The following WRN variants were observed in gnomAD, a reference collection of about 807,000 sequenced individuals.
WRN encodes the protein WRN RecQ like helicase, also known as bifunctional 3'-5' exonuclease/ATP-dependent helicase WRN.
WRN carries 149 observed loss-of-function variants against 180.7 expected under a neutral mutation model. That is an observed-to-expected ratio of 0.82 (90% CI 0.72 to 0.94). The LOEUF is 0.94. Among genes scored for constraint, WRN ranks in the 40% least tolerant of loss-of-function variants. The probability of loss-of-function intolerance (pLI) is 0.00; values close to 1 mark genes in which losing one functional copy is unlikely to be tolerated. For missense variants in WRN, 1,661 were observed against 1,700.1 expected, an observed-to-expected ratio of 0.98 and a Z score of 0.40; for synonymous variants, 548 against 568.9, an observed-to-expected ratio of 0.96 and a Z score of 0.52.
At chr8:31,171,544 C>T (rs1297125621) in intron 34 of WRN, 1 of 152,152 alleles carries the variant, frequency 6.6e-6, no homozygotes. Context: ...TAAGTCTCAT[C>T]CGTTCTTTTG....
chr8:31,057,148 T>A (rs1812304122), intron 1 of WRN, among the ~76,000 whole-genome samples: 1 of 152,360 alleles, frequency 6.6e-6, no homozygotes, highest in Non-Finnish European at 1.5e-5. Context: ...TGCTGCATAT[T>A]GTTTAATTTT....
intron 7 of WRN, among the ~76,000 whole-genome samples, chr8:31,074,325 T>C (rs1473499521): frequency 6.6e-6 from 1 of 152,030 alleles, no homozygotes; most frequent in African/African-American, 2.4e-5. Flanking sequence ...TTTGAGAGAG[T>C]GAGTGTAGAC....
At chr8:31,156,493 A>G (rs1318365500) in intron 32 of WRN, among the ~76,000 whole-genome samples, 1 of 152,240 alleles carries the variant, frequency 6.6e-6, no homozygotes, top group African/African-American at 2.4e-5. Context: ...TATTATGCAC[A>G]CATGGTGCAC....
chr8:31,161,004 A>C (rs1024166230), intron 33 of WRN, among the ~76,000 whole-genome samples: 1 of 151,266 alleles, frequency 6.6e-6, no homozygotes, highest in African/African-American at 2.4e-5. Flanking sequence ...AAAAAAATAG[A>C]ATTTGTGCAG....
At chr8:31,104,137 A>G (rs1434661555) in intron 18 of WRN, among the ~76,000 whole-genome samples, 2 of 151,748 alleles carry the variant, frequency 1.3e-5, no homozygotes, top group Non-Finnish European at 2.9e-5. Flanking sequence ...TTTTTAAGGA[A>G]TTGTCACAAA....
chr8:31,155,615 C>T (rs1332534255), intron 32 of WRN, among the ~76,000 whole-genome samples: 6 of 122,436 alleles, frequency 4.9e-5, no homozygotes, highest in Admixed American at 8.9e-5. Flanking sequence ...GAGCAAGACT[C>T]GGTCTCCAAA....
At chr8:31,167,877 C>T (rs1803960529) in intron 34 of WRN, among the ~76,000 whole-genome samples, 1 of 152,086 alleles carries the variant, frequency 6.6e-6, no homozygotes, top group East Asian at 1.9e-4. Flanking sequence ...AAAATTTGAC[C>T]TTCGGTATCT....
At chr8:31,135,924 C>A (rs975396946) in intron 24 of WRN, among the ~76,000 whole-genome samples, 4 of 152,098 alleles carry the variant, frequency 2.6e-5, no homozygotes, top group South Asian at 4.1e-4. Context: ...CCAGTCAGTT[C>A]TCTTTATTCT....
At position 31,038,368 on chromosome 8, in the gene WRN, G is replaced by A. The variant is rs535787936; in HGVS notation, c.-77+4395G>A. Among the ~76,000 whole-genome samples, 84 of 152,140 alleles carry A rather than the reference G, an allele frequency of 5.5e-4. 1 individual carries two copies. The highest frequency in any genetic ancestry group is 7.9e-4 in the Non-Finnish European group (54 of 67,968). On this transcript the variant is annotated intron_variant, in intron 1 of 34. Transcript: ENST00000298139. ...TTAATGTGCTTATTGGCCATTATAT[G>A]TCTTCTTTGGGAACTGTCTATTAAG...
chr8:31,141,445 G>A lies in WRN; in HGVS notation c.2983G>A (p.Ala995Thr), dbSNP rs140768346. ...CTAATTTCAGAATTCTCAGCGTCTT[G>A]CCGATCAATATCGCAGGCACAGTTT... ...FLRGSNSQRL[A>T]DQYRRHSLFG... The change falls in exon 25 of 35, where the codon GCC becomes ACC. Residue 995 changes from alanine to threonine, a missense_variant. Transcript: ENST00000298139. 4,138 of 1,614,048 alleles carry A rather than the reference G, an allele frequency of 2.6e-3. 19 individuals carry two copies. The Middle Eastern group carries it at 0.029, about 11-fold the overall frequency.
At position 31,090,739 on chromosome 8, in the gene WRN, G is replaced by A. The variant is rs1188280933; in HGVS notation, c.1721-95G>A. The A allele has an allele frequency of 1.6e-5, 19 of 1,157,942 alleles. No individual in the cohort carries two copies. In the Admixed American group the frequency reaches 3.9e-4, roughly 24 times the overall value. 71.7% of individuals were successfully genotyped at this position (1,157,942 alleles called of 1,614,324 possible). On this transcript the variant is annotated intron_variant, in intron 14 of 34. Transcript: ENST00000298139. ...GCATACTAGTATTGACCATTCATCT[G>A]TATAAGTACATTGTAAAAAGAAATG... is the stretch of plus-strand genomic sequence containing the variant.
intron 16 of WRN, among the ~76,000 whole-genome samples, chr8:31,096,176 G>A (rs1563348148): frequency 6.6e-6 from 1 of 152,188 alleles, no homozygotes; most frequent in African/African-American, 2.4e-5. Context: ...CCTTGTGAAA[G>A]CACAATGCCT....
At chr8:31,069,689 A>C (rs1812835781) in intron 7 of WRN, among the ~76,000 whole-genome samples, 1 of 152,208 alleles carries the variant, frequency 6.6e-6, no homozygotes, top group South Asian at 2.1e-4. Context: ...TATCAGTGGG[A>C]GGGAGGTTCC....
At chr8:31,089,020 G>A (rs1251694347) in intron 13 of WRN, 55 bp downstream of exon 13, 2 of 1,512,158 alleles carry the variant, frequency 1.3e-6, no homozygotes, top group Non-Finnish European at 1.8e-6. Context: ...TTTAAAACAA[G>A]GGAAAAGGCA....
chr8:31,168,055 G>A (rs545336105), intron 34 of WRN, among the ~76,000 whole-genome samples: 7 of 152,136 alleles, frequency 4.6e-5, no homozygotes, highest in African/African-American at 1.7e-4. Context: ...TTTATAGGAT[G>A]TCCAGCAATT....
intron 28 of WRN, among the ~76,000 whole-genome samples, chr8:31,144,025 A>G (rs1481167608): frequency 1.3e-5 from 2 of 152,236 alleles, no homozygotes; most frequent in African/African-American, 4.8e-5. Flanking sequence ...TACCTCTAGC[A>G]TCAAGACACT....
At position 31,124,595 on chromosome 8, in the gene WRN, T is replaced by A. The variant is rs758167794; in HGVS notation, c.2704T>A (p.Tyr902Asn). The A allele has an allele frequency of 1.2e-6, 2 of 1,612,400 alleles. No individual in the cohort carries two copies. The highest frequency in any genetic ancestry group is 1.7e-6 in the Non-Finnish European group (2 of 1,178,726). The change falls in exon 22 of 35, where the codon TAT becomes AAT. Residue 902 changes from tyrosine (Y) to asparagine (N), a missense_variant. This residue lies in a region of WRN where 1,141 missense variants were observed against 1,149.4 expected (regional missense o/e 0.99). Transcript: ENST00000298139. ...KLKMMAKMEK[Y>N]LHSSRCRRQI... ...AAAGATGATGGCAAAGATGGAAAAATATCTTCATTCTAGCAGATGTAGGAG... is the reference window on the plus strand; with the variant it reads ...AAAGATGATGGCAAAGATGGAAAAAAATCTTCATTCTAGCAGATGTAGGAG...
At chr8:31,135,383 A>AT (rs1268734094) in intron 24 of WRN, among the ~76,000 whole-genome samples, 2 of 151,860 alleles carry the variant, frequency 1.3e-5, no homozygotes, top group African/African-American at 4.8e-5. Context: ...GTTTATGGCT[A>AT]TTTTTTCCAC....
intron 1 of WRN, among the ~76,000 whole-genome samples, chr8:31,054,105 T>G (rs906182295): frequency 6.6e-6 from 1 of 152,162 alleles, no homozygotes; most frequent in East Asian, 1.9e-4. Context: ...TTGTAGTGGT[T>G]GCTATGTAGA....
Sources: allele counts gnomAD v4.1 joint callset (sites outside exome capture counted in the v4.1 genomes callset), GRCh38; gene constraint gnomAD v4.1.1; regional missense constraint gnomAD v4.1.1; transcripts MANE v1.5; gene names NCBI Gene and HGNC (gene_info 2026-07-23, HGNC 2026-07-21).